HRH4: variants seen among roughly 807,000 people sequenced by gnomAD.
HRH4 encodes histamine H4 receptor.
Under a neutral mutation model 10.4 loss-of-function variants are expected in HRH4, and 12 were observed. The observed-to-expected ratio is 1.15, with a 90% CI of 0.74 to 1.87. The LOEUF is 1.87. HRH4 is among the 40% of genes most tolerant of loss of function. The pLI is 0.00. For synonymous variants in HRH4, 154 were observed against 166.6 expected (o/e 0.92, Z 0.58); for missense variants, 415 against 453.3 (o/e 0.92, Z 0.77).
chr18:24,463,998 G>T (rs1909709086), intron 1 of HRH4, among the ~76,000 whole-genome samples: 1 of 152,092 alleles, frequency 6.6e-6, no homozygotes, highest in Admixed American at 6.5e-5. Flanking sequence ...GTGACAGATG[G>T]CTGGACAGGA....
At chr18:24,475,109 T>C (rs1599780260) in intron 2 of HRH4, among the ~76,000 whole-genome samples, 3 of 152,166 alleles carry the variant, frequency 2.0e-5, no homozygotes, top group African/African-American at 7.2e-5. Context: ...TTATTAAAGA[T>C]TTCAGGATTG....
intron 2 of HRH4, among the ~76,000 whole-genome samples, chr18:24,474,406 T>A (rs1599779897): frequency 6.6e-6 from 1 of 152,158 alleles, no homozygotes; most frequent in Non-Finnish European, 1.5e-5. Context: ...AACTTAGTGT[T>A]TTTATTTTTA....
At chr18:24,468,999 A>G (rs557569978) in intron 2 of HRH4, 48 bp downstream of exon 2, 2 of 1,457,474 alleles carry the variant, frequency 1.4e-6, no homozygotes, top group African/African-American at 2.9e-5. Flanking sequence ...ATGTAAATGT[A>G]TATGATGGGT....
Position 24,478,169 on chromosome 18 carries a change from C to G in HRH4, c.*607C>G, listed in dbSNP as rs1910199980. 1 of 152,270 alleles carries G rather than the reference C, an allele frequency of 6.6e-6. No individual in the cohort carries two copies. Among genetic ancestry groups the G allele is most frequent in the Non-Finnish European group, 1.5e-5 (1 of 68,080 alleles). The allele number at this position is 152,270 out of a possible 1,614,324, so 9.4% of individuals were successfully genotyped here. ...CCTCAGTGAAGTTATTTTGGAGGCC[C>G]TGGTGGTCACAGGATCAGAAGGCAA... On this transcript the variant is annotated 3_prime_UTR_variant, in exon 3 of 3. Transcript: ENST00000256906.
At position 24,477,592 on chromosome 18, in the gene HRH4, G is replaced by A. The variant is rs768353175; in HGVS notation, c.*30G>A. ...AATTTTCTCACCTCTGTAAATTTTA[G>A]TCTCAATCTCACCTAAATGAATCAG... On this transcript the variant is annotated 3_prime_UTR_variant, in exon 3 of 3. Transcript: ENST00000256906. 1.4e-6 allele frequency: 2 copies of A among 1,449,394 alleles called. No homozygotes were observed. The highest frequency in any genetic ancestry group is 2.7e-5 in the South Asian group (2 of 74,252). 89.8% of individuals were successfully genotyped at this position (1,449,394 alleles called of 1,614,324 possible).
chr18:24,465,121 C>T (rs1428736425), intron 1 of HRH4, among the ~76,000 whole-genome samples: 2 of 151,876 alleles, frequency 1.3e-5, no homozygotes, highest in Non-Finnish European at 2.9e-5. Flanking sequence ...ATTCCAATCT[C>T]TACTAAAAAT....
At chr18:24,468,074 C>G (rs1384729829) in intron 1 of HRH4, among the ~76,000 whole-genome samples, 1 of 152,158 alleles carries the variant, frequency 6.6e-6, no homozygotes, top group Non-Finnish European at 1.5e-5. Context: ...ACAGTCGCCC[C>G]TTGGTGTCTG....
At chr18:24,464,740 G>C (rs1909729964) in intron 1 of HRH4, among the ~76,000 whole-genome samples, 1 of 152,106 alleles carries the variant, frequency 6.6e-6, no homozygotes, top group African/African-American at 2.4e-5. Flanking sequence ...TCTTTTGAAG[G>C]AGGCACTTTC....
chr18:24,461,078 A>T (rs1305477031), intron 1 of HRH4, among the ~76,000 whole-genome samples, 157 bp downstream of exon 1: 1 of 152,204 alleles, frequency 6.6e-6, no homozygotes, highest in Non-Finnish European at 1.5e-5. Context: ...GCTATATGGC[A>T]CTGTAAGGGA....
At chr18:24,468,377 A>G (rs147848109) in intron 1 of HRH4, among the ~76,000 whole-genome samples, 150 of 152,322 alleles carry the variant, frequency 9.8e-4, no homozygotes, top group Middle Eastern at 6.8e-3. Context: ...TAGATTATGT[A>G]TAATACCAAA....
intron 2 of HRH4, among the ~76,000 whole-genome samples, chr18:24,470,833 G>C (rs1909921776): frequency 6.7e-6 from 1 of 149,480 alleles, no homozygotes; most frequent in South Asian, 2.2e-4. Flanking sequence ...GTAGTTTTCT[G>C]GCCTCTGCTT....
intron 2 of HRH4, among the ~76,000 whole-genome samples, chr18:24,471,880 T>C (rs1010313830): frequency 1.3e-5 from 2 of 152,174 alleles, no homozygotes; most frequent in Admixed American, 1.3e-4. Context: ...TGGATGTTCC[T>C]AGGGCTTCCT....
chr18:24,464,286 C>T (rs1342655327), intron 1 of HRH4, among the ~76,000 whole-genome samples: 2 of 152,154 alleles, frequency 1.3e-5, no homozygotes, highest in East Asian at 1.9e-4. Context: ...AGACGGCTGC[C>T]GTCTACCTGC....
intron 2 of HRH4, among the ~76,000 whole-genome samples, chr18:24,473,482 A>G (rs1910037449): frequency 6.6e-6 from 1 of 152,004 alleles, no homozygotes. Flanking sequence ...GTTGCCAGCA[A>G]CCCCTGGCAT....
At chr18:24,464,689 G>T (rs965730462) in intron 1 of HRH4, among the ~76,000 whole-genome samples, 3 of 152,096 alleles carry the variant, frequency 2.0e-5, no homozygotes, top group Non-Finnish European at 2.9e-5. Context: ...AAGCAAACTG[G>T]GCTTCTCCAT....
At chr18:24,471,452 A>G (rs956120416) in intron 2 of HRH4, among the ~76,000 whole-genome samples, 4 of 151,512 alleles carry the variant, frequency 2.6e-5, no homozygotes, top group Non-Finnish European at 5.9e-5. Flanking sequence ...TAAAAATACA[A>G]AAAAATTAGC....
chr18:24,479,892 G>A lies in HRH4; in HGVS notation c.*2330G>A, dbSNP rs993683554. Reference sequence around the variant, plus strand: ...TATGCCTTACATTAAAGTCCAATATGAGAAATACATGTTTAACATTCAATA... The same window carrying A: ...TATGCCTTACATTAAAGTCCAATATAAGAAATACATGTTTAACATTCAATA... On this transcript the variant is annotated 3_prime_UTR_variant, in exon 3 of 3. Coordinates refer to ENST00000256906, the MANE Select transcript of HRH4 (RefSeq NM_021624.4). The A allele has an allele frequency of 6.6e-6, 1 of 152,112 alleles. No homozygotes were observed. The highest frequency in any genetic ancestry group is 1.5e-5 in the Non-Finnish European group (1 of 68,030). The allele number at this position is 152,112 out of a possible 1,614,324, so 9.4% of individuals were successfully genotyped here. A position where few individuals can be genotyped will look rare whatever the true frequency, so the allele number is the denominator to read the frequency against.
At position 24,478,971 on chromosome 18, in the gene HRH4, G is replaced by C. The variant is rs1332753611; in HGVS notation, c.*1409G>C. ...CTTGCTCTGTCACCCAGGCTGGAGT[G>C]CAGTAGCATGATCAGGGATCACTGC... On this transcript the variant is annotated 3_prime_UTR_variant, in exon 3 of 3. Transcript: ENST00000256906. The C allele has an allele frequency of 6.6e-6, 1 of 152,226 alleles. No individual in the cohort carries two copies. The highest frequency in any genetic ancestry group is 1.5e-5 in the Non-Finnish European group (1 of 68,058). 9.4% of individuals were successfully genotyped at this position (152,226 alleles called of 1,614,324 possible). A position where few individuals can be genotyped will look rare whatever the true frequency, so the allele number is the denominator to read the frequency against.
chr18:24,474,306 C>T (rs1910069474), intron 2 of HRH4, among the ~76,000 whole-genome samples: 2 of 151,782 alleles, frequency 1.3e-5, no homozygotes, highest in South Asian at 4.2e-4. Flanking sequence ...TGGTCAGCAC[C>T]ATATGCATTT....
Sources: gnomAD v4.1 joint callset for allele counts (sites outside exome capture counted in the v4.1 genomes callset) on GRCh38, gnomAD v4.1.1 for gene constraint, MANE v1.5 for transcripts, NCBI Gene and HGNC (gene_info 2026-07-23, HGNC 2026-07-21) for gene names.